TAF3: variants seen among roughly 807,000 people sequenced by gnomAD.
TAF3 encodes TATA-box binding protein associated factor 3.
Under a neutral mutation model 80.6 loss-of-function variants are expected in TAF3, and 7 were observed. The observed-to-expected ratio is 0.09, with a 90% CI of 0.05 to 0.16. TAF3 has a LOEUF of 0.16. TAF3 is among the 10% of genes least tolerant of loss of function. The pLI, the probability that TAF3 is intolerant of heterozygous loss-of-function variation, is 1.00. For synonymous variants in TAF3, 444 were observed against 446.1 expected (o/e 1.00, Z 0.06); for missense variants, 921 against 1,140.2 (o/e 0.81, Z 2.77).
chr10:7,929,956 C>G (rs538802121), intron 2 of TAF3, among the ~76,000 whole-genome samples: 1 of 152,302 alleles, frequency 6.6e-6, no homozygotes, highest in South Asian at 2.1e-4. Context: ...AATTCCAGCA[C>G]TTTGGGAGGC....
rs1394531142 is a variant in TAF3, at chr10:8,009,609, C to T, written c.2568+279C>T. Among the ~76,000 whole-genome samples the T allele has an allele frequency of 6.6e-6, 1 of 151,492 alleles. No homozygotes were observed. Among genetic ancestry groups the T allele is most frequent in the African/African-American group, 2.4e-5 (1 of 41,198 alleles). On this transcript the variant is annotated intron_variant, in intron 5 of 6. Transcript: ENST00000344293. This position sits in a 1 kb window ranked among gnomAD's most constrained non-coding sequence, Gnocchi z 4.1. The stretch of plus-strand genomic sequence containing the variant: ...GCCTGAGCCACTGCCCCTGGCCAGA[C>T]ACGTTTCTTTTTTTTTCTTTTTTTT...
chr10:7,957,976 G>C (rs918103212), intron 2 of TAF3, among the ~76,000 whole-genome samples: 1 of 128,232 alleles, frequency 7.8e-6, no homozygotes, highest in African/African-American at 2.6e-5. Flanking sequence ...ACCAAATTTT[G>C]CAGTTTTATA....
At chr10:7,913,863 A>G (rs1837679980) in intron 2 of TAF3, among the ~76,000 whole-genome samples, 1 of 152,248 alleles carries the variant, frequency 6.6e-6, no homozygotes, top group Non-Finnish European at 1.5e-5. Flanking sequence ...CTTATAGGAA[A>G]CACAGCAGAT....
chr10:8,002,103 A>G (rs963140082), intron 4 of TAF3, among the ~76,000 whole-genome samples: 2 of 152,120 alleles, frequency 1.3e-5, no homozygotes, highest in African/African-American at 4.8e-5. Flanking sequence ...GCCTGCAGTC[A>G]TATTTATTGA....
intron 2 of TAF3, among the ~76,000 whole-genome samples, chr10:7,959,364 A>G (rs1375924044): frequency 6.6e-6 from 1 of 152,232 alleles, no homozygotes; most frequent in Admixed American, 6.5e-5. Flanking sequence ...TAAAACCAAC[A>G]CTTGAAGTGA....
chr10:7,968,355 C>T (rs1290498014), intron 3 of TAF3, among the ~76,000 whole-genome samples: 2 of 152,154 alleles, frequency 1.3e-5, no homozygotes, highest in Non-Finnish European at 2.9e-5. Context: ...TCAATCTCCA[C>T]ATTTATTTTA....
chr10:7,943,544 T>G (rs1329550906), intron 2 of TAF3, among the ~76,000 whole-genome samples: 1 of 152,110 alleles, frequency 6.6e-6, no homozygotes, highest in East Asian at 1.9e-4. Flanking sequence ...CTGCCAGGAG[T>G]GCCTGAGAGC....
chr10:7,883,560 C>T (rs1837380786), intron 2 of TAF3, among the ~76,000 whole-genome samples: 1 of 152,168 alleles, frequency 6.6e-6, no homozygotes, highest in South Asian at 2.1e-4. Flanking sequence ...TACTCTGTTT[C>T]TCATCAAACT....
intron 2 of TAF3, among the ~76,000 whole-genome samples, chr10:7,916,751 A>T (rs772270551): frequency 1.3e-5 from 2 of 152,106 alleles, no homozygotes; most frequent in South Asian, 4.1e-4. Context: ...ATAAATGTGG[A>T]TGGTTATATA....
chr10:7,851,507 A>G (rs1837025989), intron 2 of TAF3, among the ~76,000 whole-genome samples: 1 of 151,378 alleles, frequency 6.6e-6, no homozygotes, highest in Non-Finnish European at 1.5e-5. Flanking sequence ...TGTTAAAACA[A>G]CTTTTTTTTT....
intron 4 of TAF3, among the ~76,000 whole-genome samples, chr10:7,988,514 G>A (rs911306893): frequency 6.7e-5 from 9 of 135,184 alleles, no homozygotes; most frequent in African/African-American, 1.9e-4. Context: ...AGAGGTTGCA[G>A]TGAGCCAAGA....
Position 7,965,613 on chromosome 10 carries a change from GA to G in TAF3, c.2108del (p.Lys703ArgfsTer43). 1.3e-6 allele frequency: 2 copies of G among 1,584,136 alleles called. No homozygotes were observed. The highest frequency in any genetic ancestry group is 1.4e-5 in the African/African-American group (1 of 72,230). On this transcript the variant is annotated frameshift_variant, in exon 3 of 7. Coordinates refer to ENST00000344293, the MANE Select transcript of TAF3 (RefSeq NM_031923.4). LOFTEE classifies it high-confidence loss of function. ...EKEKVKEKEK[K>X]KDKKEKKKKK... is the part of the protein sequence containing the mutation. ...AAGAGAAGGTGAAGGAGAAAGAAAA[GA>G]AAAAGGACAAAAAGGAGAAGAAGAA...
At chr10:7,834,817 AT>A (rs908470590) in intron 2 of TAF3, among the ~76,000 whole-genome samples, 17 of 152,012 alleles carry the variant, frequency 1.1e-4, no homozygotes, top group African/African-American at 3.9e-4. Context: ...GGTAAAAAAA[AT>A]TTTTTTTGCT....
At chr10:7,873,824 A>G (rs1394945194) in intron 2 of TAF3, among the ~76,000 whole-genome samples, 1 of 152,236 alleles carries the variant, frequency 6.6e-6, no homozygotes, top group Non-Finnish European at 1.5e-5. Context: ...TATAGATAGA[A>G]AACTGTTGCT....
intron 2 of TAF3, among the ~76,000 whole-genome samples, chr10:7,948,581 G>A (rs1785818428): frequency 6.6e-6 from 1 of 152,080 alleles, no homozygotes; most frequent in African/African-American, 2.4e-5. Context: ...TGTGGCTTTT[G>A]CATATGGATG....
chr10:7,969,139 AAAAC>A (rs148750011), intron 3 of TAF3, among the ~76,000 whole-genome samples: 9,017 of 150,800 alleles, frequency 0.06, 287 homozygotes, highest in South Asian at 0.08. Context: ...CTGTCTCTCC[AAAAC>A]AAACAAACAA....
intron 1 of TAF3, among the ~76,000 whole-genome samples, chr10:7,819,338 A>G (rs1232749045): frequency 1.3e-5 from 2 of 152,100 alleles, no homozygotes; most frequent in Non-Finnish European, 2.9e-5. Context: ...TCCTAACTAC[A>G]TAGACTCGTT....
chr10:7,955,427 T>C (rs141405513), intron 2 of TAF3, among the ~76,000 whole-genome samples: 1 of 152,358 alleles, frequency 6.6e-6, no homozygotes, highest in Admixed American at 6.5e-5. Context: ...ATACGTTTAA[T>C]TTTTGATGAA....
intron 1 of TAF3, 90 bp from the exon 2 acceptor site, chr10:7,824,228 G>A: frequency 1.4e-6 from 2 of 1,398,182 alleles, no homozygotes; most frequent in Non-Finnish European, 2.0e-6. Context: ...ATTCTGAGCT[G>A]CATATTTACT....
Sources: gnomAD v4.1 joint callset for allele counts (sites outside exome capture counted in the v4.1 genomes callset) on GRCh38, gnomAD v4.1.1 for gene constraint, Gnocchi (gnomAD v3.1) non-coding constraint, MANE v1.5 for transcripts, NCBI Gene and HGNC (gene_info 2026-07-23, HGNC 2026-07-21) for gene names.